Variants in VGLL4 observed in about 807,000 individuals in gnomAD.
The protein encoded by VGLL4 is vestigial like family member 4.
Under a neutral mutation model 21.0 loss-of-function variants are expected in VGLL4, and 7 were observed. That is an observed-to-expected ratio of 0.33 (90% CI 0.19 to 0.63). VGLL4 has a LOEUF of 0.63. Ranked by LOEUF, VGLL4 falls within the 20% of genes least tolerant of loss-of-function variation. The pLI is 0.78. For missense variants in VGLL4, 394 were observed against 425.7 expected (o/e 0.93, Z 0.66); for synonymous variants, 222 against 173.2 (o/e 1.28, Z -2.21).
intron 2 of VGLL4, chr3:11,693,013 A>T: frequency 5.9e-6 from 1 of 168,660 alleles, no homozygotes; most frequent in Non-Finnish European, 1.3e-5. Flanking sequence ...TACCAAAAAT[A>T]CAAAAAATTA....
At chr3:11,598,937 C>T (rs2074712508) in intron 2 of VGLL4, among the ~76,000 whole-genome samples, 1 of 152,190 alleles carries the variant, frequency 6.6e-6, no homozygotes, top group African/African-American at 2.4e-5. Flanking sequence ...TAAAGAGATA[C>T]ACTAGGCTAT....
At chr3:11,670,751 T>C (rs1445185587) in intron 2 of VGLL4, among the ~76,000 whole-genome samples, 2 of 151,692 alleles carry the variant, frequency 1.3e-5, no homozygotes, top group Non-Finnish European at 1.5e-5. Flanking sequence ...AAAGAGAGAG[T>C]GGTGGGCCAG....
intron 2 of VGLL4, among the ~76,000 whole-genome samples, chr3:11,590,530 A>G (rs770383082): frequency 2.6e-4 from 39 of 152,288 alleles, no homozygotes; most frequent in Non-Finnish European, 5.1e-4. Flanking sequence ...CTGGGGCTGG[A>G]AGGCTCGGAT....
At chr3:11,673,250 T>A (rs1420794587) in intron 2 of VGLL4, among the ~76,000 whole-genome samples, 2 of 151,814 alleles carry the variant, frequency 1.3e-5, no homozygotes, top group African/African-American at 2.4e-5. Context: ...AAAATTAAAA[T>A]ATATATATAT....
At chr3:11,701,754 C>T (rs57056457) in intron 2 of VGLL4, among the ~76,000 whole-genome samples, 8,435 of 152,254 alleles carry the variant, frequency 0.055, 273 homozygotes, top group Middle Eastern at 0.092. Flanking sequence ...CCAGGAAGGA[C>T]TAAACTGGAA....
At chr3:11,650,596 C>A (rs1432054858) in intron 2 of VGLL4, among the ~76,000 whole-genome samples, 22 of 152,120 alleles carry the variant, frequency 1.4e-4, no homozygotes, top group Admixed American at 1.4e-3. Context: ...AACCCTACTG[C>A]GCTATCTGTT....
rs202206689 is a variant in VGLL4, at chr3:11,707,980, A to T, written c.-13-4933T>A. The stretch of plus-strand genomic sequence containing the variant: ...GGAAAAACCATGGCTACAGTATTAG[A>T]TGGAGGATCACACCACATTGACAGG... On this transcript the variant is annotated intron_variant, in intron 1 of 5. Coordinates refer to the VGLL4 transcript ENST00000273038. Among the ~76,000 whole-genome samples, 4 of 152,232 alleles carry T rather than the reference A, an allele frequency of 2.6e-5. No individual in the cohort carries two copies. In the East Asian group the frequency reaches 7.7e-4, roughly 29 times the overall value.
intron 1 of VGLL4, among the ~76,000 whole-genome samples, chr3:11,637,313 T>C (rs1028169458): frequency 6.6e-5 from 10 of 152,214 alleles, no homozygotes; most frequent in Admixed American, 1.3e-4. Flanking sequence ...GAGAGATCGA[T>C]CCCTAATACA....
intron 2 of VGLL4, among the ~76,000 whole-genome samples, chr3:11,676,394 CA>C (rs1219773138): frequency 6.5e-3 from 353 of 54,322 alleles, no homozygotes; most frequent in African/African-American, 0.019. Context: ...GACTCTGTCT[CA>C]AAAAAAAAAA....
rs1185602225 is a variant in VGLL4, at chr3:11,719,913, G to A, written c.-14+481C>T. Among the ~76,000 whole-genome samples the A allele has an allele frequency of 6.6e-6, 1 of 152,032 alleles. No individual in the cohort carries two copies. The highest frequency in any genetic ancestry group is 1.5e-5 in the Non-Finnish European group (1 of 67,972). ...AGAGGCGCCAGCGGGCAGGGCGAGT[G>A]GACATGGCGCACACTGCTGTGGACA... On this transcript the variant is annotated intron_variant, in intron 1 of 5. Coordinates refer to the VGLL4 transcript ENST00000273038. The surrounding 1 kb of genome is among the most constrained non-coding windows in gnomAD (Gnocchi z 4.0).
At chr3:11,668,943 C>T (rs1057256914) in intron 2 of VGLL4, among the ~76,000 whole-genome samples, 6 of 152,198 alleles carry the variant, frequency 3.9e-5, no homozygotes, top group African/African-American at 1.4e-4. Flanking sequence ...CGTGCTGTTT[C>T]AAACTCAATA....
chr3:11,695,940 G>A (rs1186600982), intron 2 of VGLL4, among the ~76,000 whole-genome samples: 2 of 152,092 alleles, frequency 1.3e-5, no homozygotes, highest in East Asian at 1.9e-4. Context: ...CGATCCAAAG[G>A]CCATGTTATA....
At chr3:11,625,166 A>G (rs2075329470) in intron 1 of VGLL4, among the ~76,000 whole-genome samples, 1 of 152,224 alleles carries the variant, frequency 6.6e-6, no homozygotes, top group Non-Finnish European at 1.5e-5. Context: ...CTTTTGTCCC[A>G]GGTTGTTTTT....
Position 11,559,265 on chromosome 3 carries a change from C to T in VGLL4, c.619+67G>A, listed in dbSNP as rs2072743016. Reference sequence around the variant, plus strand: ...AGGGGCGAGAGGTTTCAGCCAACAGCATGACAGAGAAGGGCTCTGCTGCCA... The same window carrying T: ...AGGGGCGAGAGGTTTCAGCCAACAGTATGACAGAGAAGGGCTCTGCTGCCA... On this transcript the variant is annotated intron_variant, in intron 4 of 4. Coordinates refer to ENST00000430365, the MANE Select transcript of VGLL4 (RefSeq NM_001128219.3). The T allele has an allele frequency of 1.3e-5, 19 of 1,466,214 alleles. No homozygotes were observed. In the South Asian group the frequency reaches 2.5e-4, roughly 20 times the overall value. The allele number at this position is 1,466,214 out of a possible 1,614,324, so 90.8% of individuals were successfully genotyped here.
intron 1 of VGLL4, among the ~76,000 whole-genome samples, chr3:11,612,418 G>A (rs1316435338): frequency 6.6e-6 from 1 of 152,100 alleles, no homozygotes; most frequent in African/African-American, 2.4e-5. Context: ...AGAAAACTCA[G>A]GTATGTAACA....
chr3:11,626,654 C>A (rs2075356852), intron 1 of VGLL4: 1 of 251,128 alleles, frequency 4.0e-6, no homozygotes, highest in Non-Finnish European at 8.1e-6. Flanking sequence ...CACTTACAGA[C>A]AAAATGGGTA....
At chr3:11,613,916 G>A (rs1456668199) in intron 1 of VGLL4, among the ~76,000 whole-genome samples, 1 of 152,236 alleles carries the variant, frequency 6.6e-6, no homozygotes, top group African/African-American at 2.4e-5. Flanking sequence ...CTAGCCGATG[G>A]AAGGGGTCAG....
chr3:11,680,428 A>G (rs952629304), intron 2 of VGLL4, among the ~76,000 whole-genome samples: 1 of 152,182 alleles, frequency 6.6e-6, no homozygotes, highest in African/African-American at 2.4e-5. Flanking sequence ...TAAGTACTAC[A>G]CAAAGATACT....
At chr3:11,658,230 C>T (rs4684793) in intron 2 of VGLL4, among the ~76,000 whole-genome samples, 118,692 of 152,006 alleles carry the variant, frequency 0.78, 46,557 homozygotes, top group African/African-American at 0.86. Flanking sequence ...CCACCATGCC[C>T]GGCTAAAACA....
Sources: allele counts gnomAD v4.1 joint callset (sites outside exome capture counted in the v4.1 genomes callset), GRCh38; gene constraint gnomAD v4.1.1; non-coding constraint Gnocchi (gnomAD v3.1); transcripts MANE v1.5; gene names NCBI Gene and HGNC (gene_info 2026-07-23, HGNC 2026-07-21).